The following IQCH variants were observed in gnomAD, a reference collection of about 807,000 sequenced individuals.
The protein encoded by IQCH is IQ domain-containing protein H.
Under a neutral mutation model 117.0 loss-of-function variants are expected in IQCH, and 98 were observed. That is an observed-to-expected ratio of 0.84 (90% CI 0.71 to 0.99). The LOEUF (loss-of-function observed/expected upper bound fraction) is 0.99, where lower values mean the gene tolerates loss of function less well. IQCH is among the 50% of genes least tolerant of loss of function. The pLI, the probability that IQCH is intolerant of heterozygous loss-of-function variation, is 0.00. For synonymous variants in IQCH, 412 were observed against 448.2 expected (o/e 0.92, Z 1.02); for missense variants, 1,102 against 1,243.8 (o/e 0.89, Z 1.72).
chr15:67,405,294 CTTTATGTA>C lies in IQCH; in HGVS notation c.2097+4994_2097+5001del, dbSNP rs981196161. The C allele has an allele frequency of 2.0e-5, 3 of 151,926 alleles. No individual in the cohort carries two copies. Among genetic ancestry groups the C allele is most frequent in the Non-Finnish European group, 2.9e-5 (2 of 67,974 alleles). The allele number at this position is 151,926 out of a possible 1,614,324, so 9.4% of individuals were successfully genotyped here. A position where few individuals can be genotyped will look rare whatever the true frequency, so the allele number is the denominator to read the frequency against. On this transcript the variant is annotated intron_variant, in intron 14 of 20. Coordinates refer to ENST00000335894, the MANE Select transcript of IQCH (RefSeq NM_001031715.3). The surrounding 1 kb of genome is among the most constrained non-coding windows in gnomAD (Gnocchi z 4.8). ...TTGAAATCTTGATGTCTTAGATTAT[CTTTATGTA>C]TTTAGTGGTTGCCAGAACACTGAGA...
rs1159792811 is a variant in IQCH, at chr15:67,454,950, C to T, written c.2506-10177C>T. 6.6e-6 allele frequency among the ~76,000 whole-genome samples: 1 copy of T among 152,212 alleles called. No homozygotes were observed. The highest frequency in any genetic ancestry group is 1.5e-5 in the Non-Finnish European group (1 of 68,042). Reference sequence around the variant, plus strand: ...GCAGAACTGATGGGTCAAATGGTAACTCAAAGTTTAACTTTTTTAGGAACT... The same window carrying T: ...GCAGAACTGATGGGTCAAATGGTAATTCAAAGTTTAACTTTTTTAGGAACT... On this transcript the variant is annotated intron_variant, in intron 16 of 20. Coordinates refer to ENST00000335894, the MANE Select transcript of IQCH (RefSeq NM_001031715.3). The surrounding 1 kb of genome is among the most constrained non-coding windows in gnomAD (Gnocchi z 5.2).
chr15:67,267,082 G>A (rs1272322234), intron 3 of IQCH, among the ~76,000 whole-genome samples: 1 of 152,226 alleles, frequency 6.6e-6, no homozygotes, highest in Non-Finnish European at 1.5e-5. Flanking sequence ...GTGGTTTGGA[G>A]CCTCCACTCT....
Position 67,475,785 on chromosome 15 carries a change from C to T in IQCH, c.2766C>T (p.Ile922=). The T allele has an allele frequency of 1.2e-6, 2 of 1,614,136 alleles. No individual in the cohort carries two copies. The highest frequency in any genetic ancestry group is 2.7e-5 in the African/African-American group (2 of 75,052). Residue 922 remains isoleucine, a synonymous_variant, in exon 18 of 21, where the codon ATC becomes ATT. Transcript: ENST00000335894. The surrounding 1 kb of genome is among the most constrained non-coding windows in gnomAD (Gnocchi z 5.7). ...TTTTCCACTATGTTTTTCTCCAGAT[C>T]TGTAGGGCCCATGGCATTGGCTATG... ...SLVFHYVFLQ[I]CRAHGIGYDV... is the part of the protein sequence containing the mutation.
At chr15:67,295,822 A>G (rs947420335) in intron 4 of IQCH, among the ~76,000 whole-genome samples, 1 of 152,120 alleles carries the variant, frequency 6.6e-6, no homozygotes, top group Non-Finnish European at 1.5e-5. Flanking sequence ...CCTCTTATTA[A>G]GGCCTTAGTT....
At position 67,470,982 on chromosome 15, in the gene IQCH, A is replaced by G. The variant is rs544965147; in HGVS notation, c.2677-4714A>G. On this transcript the variant is annotated intron_variant, in intron 17 of 20. Transcript: ENST00000335894. ...TTTTTTCTTTGGAGAGCTTTCTCTA[A>G]CACTTCATTAAAAATGTTCTCATTT... 2.0e-4 allele frequency among the ~76,000 whole-genome samples: 31 copies of G among 152,340 alleles called. 1 individual carries two copies. In the South Asian group the frequency reaches 5.2e-3, roughly 25 times the overall value.
At chr15:67,354,709 A>C (rs1464351175) in intron 6 of IQCH, among the ~76,000 whole-genome samples, 1 of 152,238 alleles carries the variant, frequency 6.6e-6, no homozygotes, top group African/African-American at 2.4e-5. Flanking sequence ...GAAAAATACC[A>C]GTGGCCTAAA....
At chr15:67,298,632 G>A (rs939921361) in intron 4 of IQCH, among the ~76,000 whole-genome samples, 7 of 152,194 alleles carry the variant, frequency 4.6e-5, no homozygotes, top group South Asian at 2.1e-4. Flanking sequence ...TTGGGAGGCC[G>A]AGGTGGGCAG....
At chr15:67,373,493 C>T (rs1389607351) in intron 10 of IQCH, 60 bp downstream of exon 10, 1 of 1,119,140 alleles carries the variant, frequency 8.9e-7, no homozygotes, top group Non-Finnish European at 1.4e-6. Flanking sequence ...CATTATGGCT[C>T]CTTGATTGAG....
rs528170452 is a variant in IQCH at position 67,365,162 on chromosome 15, T to C, written c.753+5277T>C. On this transcript the variant is annotated intron_variant, in intron 8 of 20. Coordinates refer to ENST00000335894, the MANE Select transcript of IQCH (RefSeq NM_001031715.3). This position sits in a 1 kb window ranked among gnomAD's most constrained non-coding sequence, Gnocchi z 4.4. ...GGTTTTACCATGTTGCCCAGGCTGGTCTGGAACTCGTGGACTCAAGTGATC... is the reference window on the plus strand; with the variant it reads ...GGTTTTACCATGTTGCCCAGGCTGGCCTGGAACTCGTGGACTCAAGTGATC... 1.1e-3 allele frequency among the ~76,000 whole-genome samples: 161 copies of C among 152,292 alleles called. No individual in the cohort carries two copies. Among genetic ancestry groups the C allele is most frequent in the African/African-American group, 3.7e-3 (155 of 41,572 alleles).
At position 67,496,374 on chromosome 15, in the gene IQCH, G is replaced by C. The variant is rs1314999614; in HGVS notation, c.2970+2008G>C. Reference sequence around the variant, plus strand: ...ACATTCAACAAAGTAAAAATAGAAGGTAACTTCCTCAACCTTATAAGGACA... The same window carrying C: ...ACATTCAACAAAGTAAAAATAGAAGCTAACTTCCTCAACCTTATAAGGACA... On this transcript the variant is annotated intron_variant, in intron 20 of 20. Transcript: ENST00000335894. The surrounding 1 kb of genome is among the most constrained non-coding windows in gnomAD (Gnocchi z 4.4). Among the ~76,000 whole-genome samples, 1 of 152,112 alleles carries C rather than the reference G, an allele frequency of 6.6e-6. No individual in the cohort carries two copies. The highest frequency in any genetic ancestry group is 1.5e-5 in the Non-Finnish European group (1 of 68,026).
intron 5 of IQCH, among the ~76,000 whole-genome samples, chr15:67,343,417 G>GT (rs1286679600): frequency 1.3e-5 from 2 of 152,138 alleles, no homozygotes; most frequent in African/African-American, 4.8e-5. Flanking sequence ...TTATTCATTT[G>GT]TTTATTTATT....
In IQCH at chr15:67,329,107, T is replaced by G. The variant is rs895815085; in HGVS notation, c.388-7868T>G. 2.6e-5 allele frequency among the ~76,000 whole-genome samples: 4 copies of G among 152,282 alleles called. No individual in the cohort carries two copies. The East Asian group carries it at 7.7e-4, about 29-fold the overall frequency. On this transcript the variant is annotated intron_variant, in intron 4 of 20. Transcript: ENST00000335894. ...TGAGCCTAGGAGTTTAAGACTAGCC[T>G]GGACACCATGGTGAAACCTAATCTC...
At chr15:67,488,672 G>C (rs1395368677) in intron 18 of IQCH, among the ~76,000 whole-genome samples, 3 of 152,232 alleles carry the variant, frequency 2.0e-5, no homozygotes, top group Non-Finnish European at 4.4e-5. Context: ...GGTGGGTAGA[G>C]GGAGTATGGT....
intron 13 of IQCH, 76 bp from the exon 14 acceptor site, chr15:67,400,038 C>A (rs1971591678): frequency 8.8e-7 from 1 of 1,140,696 alleles, no homozygotes; most frequent in Non-Finnish European, 1.3e-6. Context: ...AGAAGTACAG[C>A]AACTAAGTTG....
chr15:67,362,846 A>G (rs1465725714), intron 8 of IQCH, among the ~76,000 whole-genome samples: 1 of 152,242 alleles, frequency 6.6e-6, no homozygotes, highest in East Asian at 1.9e-4. Flanking sequence ...TAAAATGTAT[A>G]CTTTCAAAAC....
intron 4 of IQCH, among the ~76,000 whole-genome samples, chr15:67,335,054 TAC>T (rs929344799): frequency 4.2e-4 from 63 of 151,480 alleles, no homozygotes; most frequent in African/African-American, 1.2e-3. Flanking sequence ...CTCCAACACA[TAC>T]ACACACACAC....
In IQCH at chr15:67,369,405, GA is replaced by G. The variant is rs796573427; in HGVS notation, c.754-2697del. 2.7e-5 allele frequency among the ~76,000 whole-genome samples: 4 copies of G among 149,632 alleles called. No individual in the cohort carries two copies. Among genetic ancestry groups the G allele is most frequent in the East Asian group, 2.0e-4 (1 of 5,112 alleles). On this transcript the variant is annotated intron_variant, in intron 8 of 20. Transcript: ENST00000335894. The surrounding 1 kb of genome is among the most constrained non-coding windows in gnomAD (Gnocchi z 5.2). The stretch of plus-strand genomic sequence containing the variant: ...GACAGAAATCCTTCTTGGCTAGAAG[GA>G]AAAAAAAATTGCCGTCAAGTCAGTA...
intron 2 of IQCH, 146 bp from the exon 3 acceptor site, chr15:67,262,976 C>CG: frequency 1.6e-6 from 1 of 624,688 alleles, no homozygotes; most frequent in Non-Finnish European, 2.8e-6. Context: ...CTTGAGATGC[C>CG]TAATGATACC....
Position 67,496,717 on chromosome 15 carries a change from GAA to G in IQCH, c.2970+2353_2970+2354del, listed in dbSNP as rs1392624830. Among the ~76,000 whole-genome samples, 2 of 151,718 alleles carry G rather than the reference GAA, an allele frequency of 1.3e-5. No homozygotes were observed. Among genetic ancestry groups the G allele is most frequent in the Non-Finnish European group, 2.9e-5 (2 of 67,902 alleles). ...AAGAAGGAGAAGGAGAAAAGAAGAAGAAATAAAAGTAAAAGTATCGGCCGGGC... is the reference window on the plus strand; with the variant it reads ...AAGAAGGAGAAGGAGAAAAGAAGAAGATAAAAGTAAAAGTATCGGCCGGGC... On this transcript the variant is annotated intron_variant, in intron 20 of 20. Transcript: ENST00000335894. The surrounding 1 kb of genome is among the most constrained non-coding windows in gnomAD (Gnocchi z 4.4).
Sources: allele counts gnomAD v4.1 joint callset (sites outside exome capture counted in the v4.1 genomes callset), GRCh38; gene constraint gnomAD v4.1.1; non-coding constraint Gnocchi (gnomAD v3.1); transcripts MANE v1.5; gene names NCBI Gene and HGNC (gene_info 2026-07-23, HGNC 2026-07-21).